ASZ1: variants seen among roughly 807,000 people sequenced by gnomAD.
ASZ1 encodes ankyrin repeat, SAM and basic leucine zipper domain-containing protein 1.
Under a neutral mutation model 61.8 loss-of-function variants are expected in ASZ1, and 67 were observed. The ratio of observed to expected loss-of-function variants is 1.08; its 90% confidence interval spans 0.89 to 1.33. The LOEUF is 1.33. Among genes scored for constraint, ASZ1 ranks in the 40% most tolerant of loss-of-function variants. The probability of loss-of-function intolerance (pLI) is 0.00; values close to 1 mark genes in which losing one functional copy is unlikely to be tolerated. For missense variants in ASZ1, 577 were observed against 554.5 expected, an observed-to-expected ratio of 1.04 and a Z score of -0.41; for synonymous variants, 193 against 192.7, an observed-to-expected ratio of 1.00 and a Z score of -0.01.
At chr7:117,400,078 T>G (rs184315690) in intron 4 of ASZ1, among the ~76,000 whole-genome samples, 2 of 152,198 alleles carry the variant, frequency 1.3e-5, no homozygotes, top group African/African-American at 4.8e-5. Context: ...TTCACAATGA[T>G]GTATTTGTCA....
chr7:117,407,782 T>G (rs897835198), intron 4 of ASZ1, among the ~76,000 whole-genome samples: 13 of 152,296 alleles, frequency 8.5e-5, no homozygotes, highest in Admixed American at 3.9e-4. Flanking sequence ...TAAGCTACTT[T>G]GACCTTCTGT....
At chr7:117,400,886 C>T (rs1796668967) in intron 4 of ASZ1, among the ~76,000 whole-genome samples, 1 of 152,174 alleles carries the variant, frequency 6.6e-6, no homozygotes, top group East Asian at 1.9e-4. Context: ...CTTGAACCAT[C>T]TTAATCCTTG....
intron 8 of ASZ1, among the ~76,000 whole-genome samples, 181 bp from the exon 9 acceptor site, chr7:117,381,248 AATT>A (rs1309129538): frequency 6.6e-6 from 1 of 152,052 alleles, no homozygotes. Context: ...GTATCATAAT[AATT>A]ATATTCACCT....
intron 12 of ASZ1, among the ~76,000 whole-genome samples, chr7:117,367,114 C>T (rs1260528754): frequency 1.3e-5 from 2 of 152,152 alleles, no homozygotes; most frequent in African/African-American, 2.4e-5. Flanking sequence ...GGTAGTGATA[C>T]ATTTTTCCCT....
intron 12 of ASZ1, among the ~76,000 whole-genome samples, chr7:117,364,040 A>AT (rs1399308288): frequency 6.6e-6 from 1 of 152,180 alleles, no homozygotes; most frequent in Non-Finnish European, 1.5e-5. Context: ...GTAACTTTAA[A>AT]TTTAAAGTTT....
chr7:117,387,614 T>C (rs1018667880), intron 4 of ASZ1, among the ~76,000 whole-genome samples: 6 of 152,186 alleles, frequency 3.9e-5, no homozygotes, highest in Admixed American at 1.3e-4. Context: ...GCAGCTCCTA[T>C]TAGCCCTGCC....
intron 4 of ASZ1, among the ~76,000 whole-genome samples, chr7:117,405,612 A>G (rs1796767956): frequency 1.3e-5 from 2 of 152,208 alleles, no homozygotes. Flanking sequence ...TGGCCATCCC[A>G]GCGTTTCCCT....
At chr7:117,393,709 C>G (rs1010595901) in intron 4 of ASZ1, among the ~76,000 whole-genome samples, 3 of 152,072 alleles carry the variant, frequency 2.0e-5, no homozygotes, top group African/African-American at 7.2e-5. Context: ...GATTATATTA[C>G]TTTTCTTAGT....
intron 4 of ASZ1, among the ~76,000 whole-genome samples, chr7:117,388,844 T>C (rs1584727442): frequency 1.3e-5 from 2 of 151,938 alleles, no homozygotes; most frequent in South Asian, 2.1e-4. Context: ...AAAAGCAAAA[T>C]TGTCTTTATT....
At chr7:117,411,399 CTAAT>C (rs1358680379) in intron 4 of ASZ1, among the ~76,000 whole-genome samples, 9 of 151,722 alleles carry the variant, frequency 5.9e-5, no homozygotes, top group Admixed American at 5.9e-4. Context: ...GATGTTCAAA[CTAAT>C]TAAAAATCAG....
intron 2 of ASZ1, 47 bp downstream of exon 2, chr7:117,426,789 G>A (rs1302705444): frequency 5.4e-6 from 8 of 1,479,962 alleles, no homozygotes; most frequent in Admixed American, 2.2e-5. Context: ...GAATCCTTGC[G>A]AACTTAAGAC....
intron 10 of ASZ1, among the ~76,000 whole-genome samples, chr7:117,376,169 T>C (rs1435318009): frequency 6.6e-6 from 1 of 152,070 alleles, no homozygotes; most frequent in African/African-American, 2.4e-5. Flanking sequence ...CTGGAAATAC[T>C]AGGGGCAACT....
chr7:117,420,330 A>G, intron 3 of ASZ1, 56 bp from the exon 4 acceptor site: 1 of 1,263,364 alleles, frequency 7.9e-7, no homozygotes, highest in South Asian at 1.3e-5. Context: ...CATCTATTCG[A>G]TGTCTTTACC....
In ASZ1 at chr7:117,412,050, G is replaced by A. The variant is rs184586742; in HGVS notation, c.440+8113C>T. Among the ~76,000 whole-genome samples the A allele has an allele frequency of 1.6e-3, 214 of 131,604 alleles. 1 individual carries two copies. The highest frequency in any genetic ancestry group is 3.5e-3 in the Middle Eastern group (1 of 284). 86.3% of individuals were successfully genotyped at this position (131,604 alleles called of 152,430 possible). On this transcript the variant is annotated intron_variant, in intron 4 of 12. Coordinates refer to ENST00000284629, the MANE Select transcript of ASZ1 (RefSeq NM_130768.3). The stretch of plus-strand genomic sequence containing the variant: ...AACAAGTGAAAAGAAGTGTGTGTGT[G>A]TGTGTGTGTGTGTGTGTGTGTGTGT...
At chr7:117,365,391 T>C (rs1795916597) in intron 12 of ASZ1, among the ~76,000 whole-genome samples, 1 of 152,204 alleles carries the variant, frequency 6.6e-6, no homozygotes. Context: ...TTGAATTGTG[T>C]ATACTTTAGA....
In ASZ1 at chr7:117,379,166, T is replaced by TACACACAC. The variant is rs1314835634; in HGVS notation, c.1055+771_1055+772insGTGTGTGT. Among the ~76,000 whole-genome samples the TACACACAC allele has an allele frequency of 3.0e-3, 183 of 61,658 alleles. 1 individual carries two copies. Among genetic ancestry groups the TACACACAC allele is most frequent in the African/African-American group, 0.013 (169 of 13,484 alleles). 40.5% of individuals were successfully genotyped at this position (61,658 alleles called of 152,430 possible). ...ATATATATATATATATATATATATA[T>TACACACAC]ATACACACACACACACACACACACA... On this transcript the variant is annotated intron_variant, in intron 10 of 12. Transcript: ENST00000284629.
chr7:117,404,706 T>C (rs1421623946), intron 4 of ASZ1, among the ~76,000 whole-genome samples: 1 of 152,124 alleles, frequency 6.6e-6, no homozygotes, highest in Non-Finnish European at 1.5e-5. Flanking sequence ...CCTGCAACTT[T>C]TTCATAGTCT....
chr7:117,397,527 T>A (rs2106530), intron 4 of ASZ1, among the ~76,000 whole-genome samples: 1 of 152,216 alleles, frequency 6.6e-6, no homozygotes, highest in Non-Finnish European at 1.5e-5. Context: ...TCCTCTCAAG[T>A]ACTGTTGGAG....
At chr7:117,395,470 A>G (rs1002905841) in intron 4 of ASZ1, among the ~76,000 whole-genome samples, 2 of 152,136 alleles carry the variant, frequency 1.3e-5, no homozygotes, top group African/African-American at 2.4e-5. Context: ...GTCTTTTTAA[A>G]TACTGATTCA....
Sources: allele counts gnomAD v4.1 joint callset (sites outside exome capture counted in the v4.1 genomes callset), GRCh38; gene constraint gnomAD v4.1.1; transcripts MANE v1.5; gene names NCBI Gene and HGNC (gene_info 2026-07-23, HGNC 2026-07-21).